Variants in CCSAP observed in about 807,000 individuals in gnomAD.
The protein encoded by CCSAP is centriole, cilia and spindle-associated protein.
A neutral mutation model predicts 25.9 loss-of-function variants in CCSAP; 17 were observed. The observed-to-expected ratio is 0.66, with a 90% CI of 0.45 to 0.99. CCSAP has a LOEUF of 0.99. Among genes scored for constraint, CCSAP ranks in the 50% least tolerant of loss-of-function variants. The pLI, the probability that CCSAP is intolerant of heterozygous loss-of-function variation, is 0.00. For synonymous variants in CCSAP, 169 were observed against 157.1 expected, an observed-to-expected ratio of 1.08 and a Z score of -0.57; for missense variants, 339 against 367.8, an observed-to-expected ratio of 0.92 and a Z score of 0.64.
At chr1:229,334,133 C>T (rs796436628) in intron 2 of CCSAP, among the ~76,000 whole-genome samples, 17 of 152,196 alleles carry the variant, frequency 1.1e-4, no homozygotes, top group African/African-American at 3.6e-4. Flanking sequence ...TGCAATGGCA[C>T]GATCTCAGCT....
chr1:229,332,180 GT>G (rs138112427), intron 2 of CCSAP, among the ~76,000 whole-genome samples: 3,051 of 152,208 alleles, frequency 0.02, 117 homozygotes, highest in African/African-American at 0.069. Flanking sequence ...AACATTAAGT[GT>G]TTCCCTGAGT....
In CCSAP at chr1:229,342,653, G is replaced by A. The variant is rs1658370365; in HGVS notation, c.-48-140C>T. ...AGGGCGGGGAGGGGGCGGGGCGGGG[G>A]CGGCCTCACCCGGCGGCCGGGACCA... On this transcript the variant is annotated intron_variant, in intron 1 of 3. Transcript: ENST00000284617. This position sits in a 1 kb window ranked among gnomAD's most constrained non-coding sequence, Gnocchi z 7.5. 2.6e-6 allele frequency: 1 copy of A among 385,420 alleles called. No homozygotes were observed. Among genetic ancestry groups the A allele is most frequent in the Admixed American group, 4.6e-5 (1 of 21,722 alleles). 23.9% of individuals were successfully genotyped at this position (385,420 alleles called of 1,614,324 possible).
intron 2 of CCSAP, among the ~76,000 whole-genome samples, chr1:229,330,676 A>G (rs1023824627): frequency 9.2e-5 from 14 of 152,050 alleles, no homozygotes; most frequent in Non-Finnish European, 1.6e-4. Flanking sequence ...CCTCGTCTCT[A>G]GTAAAAATAC....
chr1:229,337,700 C>G (rs7414472), intron 2 of CCSAP, among the ~76,000 whole-genome samples: 1 of 45,628 alleles, frequency 2.2e-5, no homozygotes, highest in African/African-American at 8.4e-5. Context: ...TATATATATA[C>G]ACATACATAT....
In CCSAP at chr1:229,342,448, C is replaced by A; in HGVS notation, c.18G>T (p.Gly6=). 1 of 1,377,434 alleles carries A rather than the reference C, an allele frequency of 7.3e-7. No homozygotes were observed. Among genetic ancestry groups the A allele is most frequent in the Non-Finnish European group, 9.4e-7 (1 of 1,059,468 alleles). The allele number at this position is 1,377,434 out of a possible 1,614,324, so 85.3% of individuals were successfully genotyped here. A position where few individuals can be genotyped will look rare whatever the true frequency, so the allele number is the denominator to read the frequency against. ...AGCGCTTCATGTACTCGCTCTTCAC[C>A]CCGCTCCCCGGGGACATGGTGCCGT... MSPGS[G]VKSEYMKRYQ... Residue 6 remains glycine, a synonymous_variant, in exon 2 of 4, where the codon GGG becomes GGT. Coordinates refer to ENST00000284617, the MANE Select transcript of CCSAP (RefSeq NM_145257.5). This position sits in a 1 kb window ranked among gnomAD's most constrained non-coding sequence, Gnocchi z 7.5.
intron 2 of CCSAP, chr1:229,327,227 C>T: frequency 2.3e-6 from 1 of 427,790 alleles, no homozygotes. Context: ...AAGATTGAAC[C>T]AAGCTTATTC....
intron 2 of CCSAP, chr1:229,340,687 A>G (rs1211990350): frequency 5.0e-6 from 2 of 399,406 alleles, no homozygotes; most frequent in Admixed American, 4.4e-5. Context: ...TCATGATGGG[A>G]GGAGGCAGCC....
At chr1:229,334,117 C>G (rs996412769) in intron 2 of CCSAP, among the ~76,000 whole-genome samples, 1 of 152,088 alleles carries the variant, frequency 6.6e-6, no homozygotes, top group Non-Finnish European at 1.5e-5. Context: ...GTCACCCAGG[C>G]TGGAGTGCAA....
At position 229,342,279 on chromosome 1, in the gene CCSAP, A is replaced by G; in HGVS notation, c.187T>C (p.Ser63Pro). Residue 63 changes from serine (S) to proline (P), a missense_variant, in exon 2 of 4, where the codon TCG (serine) becomes CCG (proline). Transcript: ENST00000284617. This position sits in a 1 kb window ranked among gnomAD's most constrained non-coding sequence, Gnocchi z 7.5. Reference protein sequence around the residue: ...GPAGSSEDSASSESSGAGGPA... With the variant: ...GPAGSSEDSAPSESSGAGGPA... ...CCCCCGGCGCCCGACGACTCTGACG[A>G]CGCCGAGTCCTCCGAGGAGCCGGCC... 2.2e-6 allele frequency: 3 copies of G among 1,359,072 alleles called. No homozygotes were observed. The African/African-American group carries it at 4.5e-5, about 20-fold the overall frequency. 84.2% of individuals were successfully genotyped at this position (1,359,072 alleles called of 1,614,324 possible). A position where few individuals can be genotyped will look rare whatever the true frequency, so the allele number is the denominator to read the frequency against.
intron 2 of CCSAP, among the ~76,000 whole-genome samples, chr1:229,328,787 A>T (rs1658003660): frequency 1.3e-5 from 2 of 152,238 alleles, no homozygotes; most frequent in African/African-American, 4.8e-5. Flanking sequence ...AGAAACCTTT[A>T]TAGGTCATCT....
chr1:229,325,923 T>C (rs746287552), intron 3 of CCSAP, among the ~76,000 whole-genome samples: 33 of 152,250 alleles, frequency 2.2e-4, no homozygotes, highest in Non-Finnish European at 4.3e-4. Context: ...ACGGCAGCTT[T>C]GTTGTCTCAA....
intron 2 of CCSAP, among the ~76,000 whole-genome samples, chr1:229,336,704 T>C (rs1658204108): frequency 6.6e-6 from 1 of 152,092 alleles, no homozygotes; most frequent in African/African-American, 2.4e-5. Context: ...CCTCTATTAG[T>C]AAGGAAGAGA....
At chr1:229,329,720 G>A (rs965117934) in intron 2 of CCSAP, among the ~76,000 whole-genome samples, 33 of 152,184 alleles carry the variant, frequency 2.2e-4, no homozygotes, top group African/African-American at 5.3e-4. Flanking sequence ...GCCAGGTACG[G>A]TGGCTCAACC....
intron 2 of CCSAP, among the ~76,000 whole-genome samples, chr1:229,334,486 A>C (rs1483981180): frequency 6.6e-6 from 1 of 152,230 alleles, no homozygotes. Flanking sequence ...TGAAATGAAC[A>C]TATCAAAAAA....
chr1:229,326,627 C>T, intron 3 of CCSAP, 111 bp downstream of exon 3: 1 of 1,307,020 alleles, frequency 7.7e-7, no homozygotes. Flanking sequence ...CTAAGATCTC[C>T]CATGGGCCCA....
intron 2 of CCSAP, among the ~76,000 whole-genome samples, chr1:229,341,378 C>T (rs1658329397): frequency 6.6e-6 from 1 of 152,154 alleles, no homozygotes; most frequent in Admixed American, 6.5e-5. Context: ...TTGGTTACTC[C>T]AGGCTGTACT....
At chr1:229,338,428 C>T (rs926062601) in intron 2 of CCSAP, among the ~76,000 whole-genome samples, 3 of 151,744 alleles carry the variant, frequency 2.0e-5, no homozygotes, top group East Asian at 1.9e-4. Flanking sequence ...AAAAAGAAAA[C>T]GTGACTATGA....
At chr1:229,336,631 A>C (rs1055682851) in intron 2 of CCSAP, among the ~76,000 whole-genome samples, 2 of 152,134 alleles carry the variant, frequency 1.3e-5, no homozygotes, top group Non-Finnish European at 2.9e-5. Context: ...CCTCCTAAAA[A>C]GCTCTTCCAG....
intron 3 of CCSAP, among the ~76,000 whole-genome samples, chr1:229,326,358 T>C (rs1239219017): frequency 1.8e-4 from 27 of 152,216 alleles, no homozygotes; most frequent in Non-Finnish European, 2.9e-5. Flanking sequence ...TGAAGGAAGC[T>C]GAAACAGCTC....
Sources: allele counts gnomAD v4.1 joint callset (sites outside exome capture counted in the v4.1 genomes callset), GRCh38; gene constraint gnomAD v4.1.1; non-coding constraint Gnocchi (gnomAD v3.1); transcripts MANE v1.5; gene names NCBI Gene and HGNC (gene_info 2026-07-23, HGNC 2026-07-21).